Variants in MPP4 observed in about 807,000 individuals in gnomAD.
The protein encoded by MPP4 is MAGUK p55 subfamily member 4.
A neutral mutation model predicts 98.3 loss-of-function variants in MPP4; 91 were observed. That is an observed-to-expected ratio of 0.93 (90% confidence interval 0.78 to 1.10). MPP4 has a LOEUF of 1.10. MPP4 is among the 50% of genes least tolerant of loss of function. The pLI, the probability that MPP4 is intolerant of heterozygous loss-of-function variation, is 0.00. For missense variants in MPP4, 744 were observed against 792.9 expected (o/e 0.94, Z 0.74); for synonymous variants, 261 against 271.8 (o/e 0.96, Z 0.39).
At chr2:201,674,483 A>C (rs1688443684) in intron 11 of MPP4, among the ~76,000 whole-genome samples, 1 of 148,212 alleles carries the variant, frequency 6.7e-6, no homozygotes, top group Non-Finnish European at 1.5e-5. Context: ...CTCTCCCAGG[A>C]TGCACATGCT....
At chr2:201,666,280 A>C in intron 13 of MPP4, 54 bp downstream of exon 13, 1 of 1,465,954 alleles carries the variant, frequency 6.8e-7, no homozygotes, top group Non-Finnish European at 9.3e-7. Context: ...ATAATCTATA[A>C]TTGACATGCT....
At chr2:201,686,286 A>G (rs779773455) in intron 5 of MPP4, among the ~76,000 whole-genome samples, 3 of 152,224 alleles carry the variant, frequency 2.0e-5, no homozygotes, top group Non-Finnish European at 1.5e-5. Context: ...AGAGAGGTTA[A>G]GCAATGCACA....
chr2:201,658,097 A>AT, intron 16 of MPP4, among the ~76,000 whole-genome samples: 1 of 152,016 alleles, frequency 6.6e-6, no homozygotes, highest in Non-Finnish European at 1.5e-5. Context: ...GCGGTTTTAC[A>AT]TGAGTGGTAC....
At position 201,664,120 on chromosome 2, in the gene MPP4, G is replaced by A; in HGVS notation, c.1052-19C>T. ...TCTTCATCTATGATTTTTCATGGAG[G>A]CAAAAATCAAAAATGTTATTACATG... On this transcript the variant is annotated intron_variant, in intron 13 of 21. Coordinates refer to ENST00000409474, the MANE Select transcript of MPP4 (RefSeq NM_033066.3). The A allele has an allele frequency of 5.2e-6, 8 of 1,531,930 alleles. No homozygotes were observed. Among genetic ancestry groups the A allele is most frequent in the Admixed American group, 2.0e-5 (1 of 49,346 alleles). The allele number at this position is 1,531,930 out of a possible 1,614,324, so 94.9% of individuals were successfully genotyped here.
At chr2:201,662,184 A>G (rs1688047620) in intron 14 of MPP4, 1 of 205,500 alleles carries the variant, frequency 4.9e-6, no homozygotes, top group African/African-American at 2.4e-5. Flanking sequence ...AATCAATACA[A>G]TGCTCCAGCT....
chr2:201,662,748 G>A (rs1688061756), intron 14 of MPP4, among the ~76,000 whole-genome samples: 1 of 152,052 alleles, frequency 6.6e-6, no homozygotes, highest in African/African-American at 2.4e-5. Flanking sequence ...ATTTGTATGT[G>A]ATAAGAGAAA....
intron 7 of MPP4, among the ~76,000 whole-genome samples, chr2:201,684,093 A>C (rs975611510): frequency 2.6e-5 from 4 of 151,646 alleles, no homozygotes; most frequent in Non-Finnish European, 5.9e-5. Flanking sequence ...GGTAGTGTGC[A>C]CCAGTGGACC....
At chr2:201,651,040 G>C (rs1192122067) in intron 18 of MPP4, 12 of 985,150 alleles carry the variant, frequency 1.2e-5, no homozygotes, top group Non-Finnish European at 1.4e-5. Flanking sequence ...ACAAAGATGA[G>C]TAAGACAGTT....
chr2:201,670,691 G>T (rs976447367), intron 11 of MPP4, among the ~76,000 whole-genome samples: 4 of 152,142 alleles, frequency 2.6e-5, no homozygotes, highest in Non-Finnish European at 4.4e-5. Context: ...TTTTCAAAAC[G>T]TGGAAGAAGT....
intron 20 of MPP4, 90 bp from the exon 21 acceptor site, chr2:201,647,915 G>T: frequency 1.6e-6 from 2 of 1,284,840 alleles, no homozygotes; most frequent in Non-Finnish European, 2.2e-6. Context: ...GAGTGCTGTG[G>T]TGCAATCACA....
rs1688975335 is a variant in MPP4 at position 201,690,337 on chromosome 2, G to T, written c.202-58C>A. The T allele has an allele frequency of 2.6e-6, 3 of 1,170,694 alleles. No individual in the cohort carries two copies. In the Admixed American group the frequency reaches 6.0e-5, roughly 23 times the overall value. The allele number at this position is 1,170,694 out of a possible 1,614,324, so 72.5% of individuals were successfully genotyped here. On this transcript the variant is annotated intron_variant, in intron 3 of 21. Coordinates refer to ENST00000409474, the MANE Select transcript of MPP4 (RefSeq NM_033066.3). ...TGATAATATGACTATTGCCATTTTGGATTTAAGACTCTCAAAGAGAAGAAA... is the reference window on the plus strand; with the variant it reads ...TGATAATATGACTATTGCCATTTTGTATTTAAGACTCTCAAAGAGAAGAAA...
chr2:201,649,691 G>A lies in MPP4; in HGVS notation c.1476-7C>T, dbSNP rs1231681072. ...CTCACCATACTCCAGCATCCTGCAA[G>A]AGCAGGCCAAACAAAACAGAACACT... On this transcript the variant is annotated splice_region_variant and splice_polypyrimidine_tract_variant and intron_variant, in intron 19 of 21. Transcript: ENST00000409474. The A allele has an allele frequency of 2.5e-6, 4 of 1,594,676 alleles. No individual in the cohort carries two copies. Among genetic ancestry groups the A allele is most frequent in the Non-Finnish European group, 3.4e-6 (4 of 1,166,438 alleles).
intron 16 of MPP4, among the ~76,000 whole-genome samples, chr2:201,657,426 T>TA (rs1174997516): frequency 6.6e-6 from 1 of 152,114 alleles, no homozygotes; most frequent in Admixed American, 6.6e-5. Flanking sequence ...TGTGTACATA[T>TA]AAATACACAT....
chr2:201,686,072 G>A (rs1688820493), intron 5 of MPP4, 22 bp from the exon 6 acceptor site: 2 of 1,607,574 alleles, frequency 1.2e-6, no homozygotes, highest in East Asian at 2.2e-5. Flanking sequence ...GAAGGAAAAG[G>A]TGAGCAAATG....
Position 201,684,812 on chromosome 2 carries a change from T to C in MPP4, c.574+252A>G, listed in dbSNP as rs187623383. 5.3e-4 allele frequency among the ~76,000 whole-genome samples: 81 copies of C among 151,640 alleles called. No individual in the cohort carries two copies. In the East Asian group the frequency reaches 0.013, roughly 24 times the overall value. On this transcript the variant is annotated intron_variant, in intron 7 of 21. Coordinates refer to ENST00000409474, the MANE Select transcript of MPP4 (RefSeq NM_033066.3). The stretch of plus-strand genomic sequence containing the variant: ...AAAAATACAAAAAATTAGCCGGGCG[T>C]GGTGGCGGGCGCCTGTAATCCCAGC...
At chr2:201,698,192 C>G (rs1428257207) in intron 1 of MPP4, 2 of 578,448 alleles carry the variant, frequency 3.5e-6, no homozygotes, top group African/African-American at 4.1e-5. Context: ...AATGCCACAA[C>G]CCCCTACCCT....
rs78073280 is a variant in MPP4, at chr2:201,657,128, G to C, written c.1130-760C>G. On this transcript the variant is annotated intron_variant, in intron 16 of 21. Coordinates refer to ENST00000409474, the MANE Select transcript of MPP4 (RefSeq NM_033066.3). ...GGAGAGCAAGTGTGGCCTCAGGAGA[G>C]AGCAGTTAGGAAGCTACTGCAGTGG... Among the ~76,000 whole-genome samples, 891 of 152,306 alleles carry C rather than the reference G, an allele frequency of 5.9e-3. 9 individuals are homozygous for C. The highest frequency in any genetic ancestry group is 0.02 in the African/African-American group (835 of 41,558).
In MPP4 at chr2:201,676,494, T is replaced by G. The variant is rs141830527; in HGVS notation, c.930-1223A>C. 2.1e-3 allele frequency among the ~76,000 whole-genome samples: 318 copies of G among 152,362 alleles called. 1 individual carries two copies. The highest frequency in any genetic ancestry group is 7.0e-3 in the African/African-American group (291 of 41,582). ...TCAGCGCATTTGGCATCGTGAGGACTAAATAATACATGAGACCTTACTGTA... is the reference window on the plus strand; with the variant it reads ...TCAGCGCATTTGGCATCGTGAGGACGAAATAATACATGAGACCTTACTGTA... On this transcript the variant is annotated intron_variant, in intron 10 of 21. Transcript: ENST00000409474.
intron 12 of MPP4, among the ~76,000 whole-genome samples, chr2:201,667,643 C>T (rs1206837857): frequency 1.3e-5 from 2 of 152,100 alleles, no homozygotes; most frequent in African/African-American, 4.8e-5. Flanking sequence ...CTAGCAGTGC[C>T]CAGCACATCC....
Sources: gnomAD v4.1 joint callset for allele counts (sites outside exome capture counted in the v4.1 genomes callset) on GRCh38, gnomAD v4.1.1 for gene constraint, MANE v1.5 for transcripts, NCBI Gene and HGNC (gene_info 2026-07-23, HGNC 2026-07-21) for gene names.